Variants in CNOT1 observed in about 807,000 individuals in gnomAD.
CNOT1 encodes CCR4-associated factor 1.
In CNOT1, 15 loss-of-function variants were observed where a neutral mutation model predicts 273.8. The observed-to-expected ratio is 0.05, with a 90% CI of 0.04 to 0.08. The LOEUF is 0.08. Among genes scored for constraint, CNOT1 ranks in the 10% least tolerant of loss-of-function variants. The pLI is 1.00. For missense variants in CNOT1, 1,644 were observed against 2,912.2 expected (o/e 0.56, Z 10.02); for synonymous variants, 1,022 against 1,005.5 (o/e 1.02, Z -0.31).
Position 58,521,281 on chromosome 16 carries a change from A to G in CNOT1, c.6954T>C (p.His2318=), listed in dbSNP as rs2039357363. The change falls in exon 48 of 49, where the codon CAT becomes CAC. Residue 2318 remains histidine (H), a synonymous_variant. Coordinates refer to ENST00000317147, the MANE Select transcript of CNOT1 (RefSeq NM_016284.5). ...TGAAGGTAATAAGAAGACCCCAAGG[A>G]TGTGGCCTATTTACAATCAACCGTT... The part of the protein sequence containing the change: ...LLERLIVNRP[H]PWGLLITFIE... 2 of 1,613,798 alleles carry G rather than the reference A, an allele frequency of 1.2e-6. No individual in the cohort carries two copies. Among genetic ancestry groups the G allele is most frequent in the East Asian group, 4.5e-5 (2 of 44,886 alleles).
chr16:58,526,026 G>A lies in CNOT1; in HGVS notation c.6566C>T (p.Pro2189Leu). 1 of 1,614,078 alleles carries A rather than the reference G, an allele frequency of 6.2e-7. No individual in the cohort carries two copies. Among genetic ancestry groups the A allele is most frequent in the Non-Finnish European group, 8.5e-7 (1 of 1,179,970 alleles). ...GCGCAGATCAGACAGGAAAGTGACT[G>A]GTGATCGAGTTTTAAGATAGGAATC... ...DLDSYLKTRS[P>L]VTFLSDLRSN... Residue 2189 changes from proline to leucine, a missense_variant, in exon 45 of 49, where the codon CCA (proline) becomes CTA (leucine). Pro to Leu is a moderately conservative substitution (Grantham distance 98). Transcript: ENST00000317147.
In CNOT1 at chr16:58,583,038, T is replaced by C. The variant is rs371059190; in HGVS notation, c.933+18A>G. 47 of 1,613,424 alleles carry C rather than the reference T, an allele frequency of 2.9e-5. No homozygotes were observed. The highest frequency in any genetic ancestry group is 2.1e-4 in the African/African-American group (16 of 74,858). ...CAGGACATTAACTCACTTGGTAAAATAGCTGAATTCAACACACCTGTAATG... is the reference window on the plus strand; with the variant it reads ...CAGGACATTAACTCACTTGGTAAAACAGCTGAATTCAACACACCTGTAATG... On this transcript the variant is annotated intron_variant, in intron 9 of 48. Transcript: ENST00000317147.
In CNOT1 at chr16:58,588,700, G is replaced by A. The variant is rs34161389; in HGVS notation, c.210+99C>T. 90,435 of 1,430,832 alleles carry A rather than the reference G, an allele frequency of 0.063. 3,363 individuals are homozygous for A. Among genetic ancestry groups the A allele is most frequent in the Middle Eastern group, 0.1 (587 of 5,658 alleles). 88.6% of individuals were successfully genotyped at this position (1,430,832 alleles called of 1,614,324 possible). A position where few individuals can be genotyped will look rare whatever the true frequency, so the allele number is the denominator to read the frequency against. On this transcript the variant is annotated intron_variant, in intron 3 of 48. Coordinates refer to ENST00000317147, the MANE Select transcript of CNOT1 (RefSeq NM_016284.5). ...TCACCATCCAGCTACAATCACTTCC[G>A]GATGCTATTTTGTACGTGTCATATG...
Position 58,580,780 on chromosome 16 carries a change from T to C in CNOT1, c.1216-20A>G. 6.3e-7 allele frequency: 1 copy of C among 1,598,460 alleles called. No homozygotes were observed. On this transcript the variant is annotated intron_variant, in intron 11 of 48. Transcript: ENST00000317147. ...GGAGAGCTGCAATGAAAGAAAATGC[T>C]TACCACCATAAATGATTGTGAATGC... is the stretch of plus-strand genomic sequence containing the variant.
At chr16:58,566,634 T>G (rs1222694732) in intron 16 of CNOT1, among the ~76,000 whole-genome samples, 3 of 152,218 alleles carry the variant, frequency 2.0e-5, no homozygotes, top group Non-Finnish European at 4.4e-5. Context: ...GGCAGTCTTG[T>G]GCACTGTGGA....
At chr16:58,553,368 T>C (rs1391820934) in intron 22 of CNOT1, among the ~76,000 whole-genome samples, 1 of 152,196 alleles carries the variant, frequency 6.6e-6, no homozygotes, top group East Asian at 1.9e-4. Flanking sequence ...GATCTAAGTC[T>C]TATGTGTAAC....
At chr16:58,578,084 A>G (rs1275980331) in intron 13 of CNOT1, among the ~76,000 whole-genome samples, 1 of 152,214 alleles carries the variant, frequency 6.6e-6, no homozygotes, top group Non-Finnish European at 1.5e-5. Flanking sequence ...TTCTGCCTCC[A>G]TGATAGATGT....
chr16:58,569,750 T>G (rs899370070), intron 16 of CNOT1, among the ~76,000 whole-genome samples: 1 of 151,942 alleles, frequency 6.6e-6, no homozygotes, highest in Non-Finnish European at 1.5e-5. Flanking sequence ...CAAGGACATG[T>G]GGAGCACTAC....
chr16:58,521,410 A>G (rs892441274), intron 47 of CNOT1, 93 bp from the exon 48 acceptor site: 12 of 1,293,292 alleles, frequency 9.3e-6, no homozygotes, highest in Admixed American at 6.9e-5. Flanking sequence ...CTCCCTGACT[A>G]TTGAACCACA....
chr16:58,564,721 G>C (rs948336550), intron 16 of CNOT1, among the ~76,000 whole-genome samples: 1 of 152,094 alleles, frequency 6.6e-6, no homozygotes, highest in East Asian at 1.9e-4. Flanking sequence ...CCTGTGGTCA[G>C]GAGTTTGAGA....
intron 1 of CNOT1, among the ~76,000 whole-genome samples, chr16:58,604,042 T>C (rs1272881668): frequency 6.6e-6 from 1 of 152,222 alleles, no homozygotes; most frequent in African/African-American, 2.4e-5. Context: ...TTTTGTAACC[T>C]GTATTTTTAC....
rs1434246947 is a variant in CNOT1, at chr16:58,578,918, T to C, written c.1365A>G (p.Glu455=). 6.2e-7 allele frequency: 1 copy of C among 1,614,084 alleles called. No homozygotes were observed. The highest frequency in any genetic ancestry group is 8.5e-7 in the Non-Finnish European group (1 of 1,179,992). The change falls in exon 13 of 49, where the codon GAA becomes GAG. Residue 455 remains glutamate, a synonymous_variant. Coordinates refer to ENST00000317147, the MANE Select transcript of CNOT1 (RefSeq NM_016284.5). ...IATWKSLDLI[E]SLLRLAEVGQ... ...CAACCTCTGCAAGCCTCAGCAGAGA[T>C]TCAATCAAATCCAAGCTCTTCCTAA...
chr16:58,525,594 G>GT (rs1345320249), intron 45 of CNOT1, among the ~76,000 whole-genome samples: 1 of 152,198 alleles, frequency 6.6e-6, no homozygotes, highest in Non-Finnish European at 1.5e-5. Flanking sequence ...CAGCTCTAAA[G>GT]TAAAGTTTAT....
At chr16:58,594,790 A>G (rs112535012) in intron 2 of CNOT1, among the ~76,000 whole-genome samples, 23 of 150,920 alleles carry the variant, frequency 1.5e-4, no homozygotes, top group African/African-American at 5.1e-4. Flanking sequence ...AAACAGACCA[A>G]TACTGTCTCA....
intron 16 of CNOT1, among the ~76,000 whole-genome samples, chr16:58,563,663 A>G (rs1234360636): frequency 6.6e-6 from 1 of 152,202 alleles, no homozygotes; most frequent in Non-Finnish European, 1.5e-5. Flanking sequence ...ACTCCACAAC[A>G]ATTAAAACTT....
intron 11 of CNOT1, among the ~76,000 whole-genome samples, 176 bp from the exon 12 acceptor site, chr16:58,580,936 T>A (rs1447585175): frequency 6.6e-6 from 1 of 152,202 alleles, no homozygotes; most frequent in Non-Finnish European, 1.5e-5. Context: ...TAAAGGTGCA[T>A]AATGAAACCC....
intron 1 of CNOT1, among the ~76,000 whole-genome samples, chr16:58,600,615 T>C (rs1444297351): frequency 6.6e-6 from 1 of 152,162 alleles, no homozygotes; most frequent in African/African-American, 2.4e-5. Context: ...TTGGGATGTA[T>C]GTTTTAGGTA....
chr16:58,586,596 A>C lies in CNOT1; in HGVS notation c.586T>G (p.Phe196Val), dbSNP rs2041883962. The C allele has an allele frequency of 1.2e-6, 2 of 1,612,284 alleles. No individual in the cohort carries two copies. The highest frequency in any genetic ancestry group is 1.7e-6 in the Non-Finnish European group (2 of 1,179,616). The part of the protein sequence containing the change: ...SHLLFGQKGA[F>V]GVGQEQIDAF... The stretch of plus-strand genomic sequence containing the variant: ...TCTATCTGTTCTTGTCCAACTCCAA[A>C]GGCTCCCTTCTGCCCAAAGAGGAGA... Residue 196 changes from phenylalanine to valine, a missense_variant, in exon 7 of 49, where the codon TTT becomes GTT. Physicochemically the swap from Phe to Val is conservative, Grantham distance 50. Transcript: ENST00000317147.
At chr16:58,553,274 C>CA (rs879764026) in intron 22 of CNOT1, among the ~76,000 whole-genome samples, 47 of 144,808 alleles carry the variant, frequency 3.2e-4, no homozygotes, top group Middle Eastern at 3.5e-3. Context: ...CTCCCCCTCC[C>CA]AAAAAAAAAA....
Sources: gnomAD v4.1 joint callset for allele counts (sites outside exome capture counted in the v4.1 genomes callset) on GRCh38, gnomAD v4.1.1 for gene constraint, MANE v1.5 for transcripts, NCBI Gene and HGNC (gene_info 2026-07-23, HGNC 2026-07-21) for gene names.